Variants in SPEN observed in about 807,000 individuals in gnomAD.
SPEN encodes the protein spen family transcriptional repressor, also known as msx2-interacting protein.
SPEN carries 18 observed loss-of-function variants against 269.9 expected under a neutral mutation model. That is an observed-to-expected ratio of 0.07 (90% CI 0.05 to 0.10). The LOEUF is 0.10. Ranked by LOEUF, SPEN falls within the 10% of genes least tolerant of loss-of-function variation. The pLI is 1.00. For missense variants in SPEN, 3,822 were observed against 4,631.2 expected (o/e 0.83, Z 5.07); for synonymous variants, 1,726 against 1,765.7 (o/e 0.98, Z 0.56).
intron 2 of SPEN, chr1:15,873,849 G>A (rs1425655305): frequency 9.4e-7 from 1 of 1,065,752 alleles, no homozygotes; most frequent in Non-Finnish European, 1.1e-6. Context: ...GGATATATGG[G>A]ATGTCTTGCT....
chr1:15,931,149 G>T lies in SPEN; in HGVS notation c.4909G>T (p.Val1637Phe), dbSNP rs746087066. Residue 1637 changes from valine to phenylalanine, a missense_variant, in exon 11 of 15, where the codon GTT (valine) becomes TTT (phenylalanine). Transcript: ENST00000375759. The surrounding 1 kb of genome is among the most constrained non-coding windows in gnomAD (Gnocchi z 4.8). The stretch of plus-strand genomic sequence containing the variant: ...TTCAGAACTGAAAACTCCACCTTCC[G>T]TTGGGCCTCCAAGTGTCACAGTCGT... ...KDSELKTPPSVGPPSVTVVTL... is the reference protein window; with the variant it reads ...KDSELKTPPSFGPPSVTVVTL... 1.2e-6 allele frequency: 2 copies of T among 1,614,232 alleles called. No individual in the cohort carries two copies. The highest frequency in any genetic ancestry group is 1.7e-5 in the Admixed American group (1 of 60,030).
In SPEN at chr1:15,899,537, G is replaced by GTTTT. The variant is rs34565365; in HGVS notation, c.882-9761_882-9758dup. Among the ~76,000 whole-genome samples the GTTTT allele has an allele frequency of 6.6e-4, 55 of 83,416 alleles. 5 individuals carry two copies. Among genetic ancestry groups the GTTTT allele is most frequent in the Admixed American group, 1.5e-3 (9 of 6,130 alleles). The allele number at this position is 83,416 out of a possible 152,430, so 54.7% of individuals were successfully genotyped here. On this transcript the variant is annotated intron_variant, in intron 3 of 14. Coordinates refer to ENST00000375759, the MANE Select transcript of SPEN (RefSeq NM_015001.3). ...GTGAAGTGATGTATCATGTGGCAGA[G>GTTTT]TTTTTTTTTTTTTTTTTTTTTTTTT...
At position 15,937,098 on chromosome 1, in the gene SPEN, G is replaced by T. The variant is rs2071282804; in HGVS notation, c.10027-65G>T. The T allele has an allele frequency of 6.5e-7, 1 of 1,548,796 alleles. No individual in the cohort carries two copies. Among genetic ancestry groups the T allele is most frequent in the South Asian group, 1.2e-5 (1 of 82,040 alleles). On this transcript the variant is annotated intron_variant, in intron 11 of 14. Transcript: ENST00000375759. The surrounding 1 kb of genome is among the most constrained non-coding windows in gnomAD (Gnocchi z 5.7). ...TTCCCTGTGGCCCTTTGGGTCATTTGTTGGTCTCAGGGGCTTGTGCACAAC... is the reference window on the plus strand; with the variant it reads ...TTCCCTGTGGCCCTTTGGGTCATTTTTTGGTCTCAGGGGCTTGTGCACAAC...
intron 1 of SPEN, among the ~76,000 whole-genome samples, chr1:15,866,076 AATTATT>A (rs1167584449): frequency 1.3e-5 from 2 of 152,024 alleles, no homozygotes; most frequent in African/African-American, 2.4e-5. Context: ...ATGACAGCTC[AATTATT>A]ATTATTATTT....
rs778653115 is a variant in SPEN, at chr1:15,928,043, A to G, written c.1851-48A>G. 8.8e-6 allele frequency: 13 copies of G among 1,474,588 alleles called. No homozygotes were observed. The highest frequency in any genetic ancestry group is 1.8e-4 in the Middle Eastern group (1 of 5,454). The allele number at this position is 1,474,588 out of a possible 1,614,324, so 91.3% of individuals were successfully genotyped here. The stretch of plus-strand genomic sequence containing the variant: ...ATTTCATATGTATGATTTTATGCAT[A>G]AGTGATGAGGAAACAAAAGAACTAA... On this transcript the variant is annotated intron_variant, in intron 10 of 14. Transcript: ENST00000375759. The surrounding 1 kb of genome is among the most constrained non-coding windows in gnomAD (Gnocchi z 5.7).
Position 15,929,184 on chromosome 1 carries a change from G to A in SPEN, c.2944G>A (p.Glu982Lys), listed in dbSNP as rs2071197768. Residue 982 changes from glutamate to lysine, a missense_variant, in exon 11 of 15, where the codon GAA (glutamate) becomes AAA (lysine). Glu to Lys is a moderately conservative substitution (Grantham distance 56). Transcript: ENST00000375759. The surrounding 1 kb of genome is among the most constrained non-coding windows in gnomAD (Gnocchi z 5.8). ...GVSAVDLEKL[E>K]ARKRRFADSN... is the part of the protein sequence containing the mutation. The stretch of plus-strand genomic sequence containing the variant: ...AAGTGCTGTGGATCTGGAGAAGCTG[G>A]AAGCCAGGAAAAGGCGCTTTGCAGA... 1 of 1,614,052 alleles carries A rather than the reference G, an allele frequency of 6.2e-7. No homozygotes were observed. Among genetic ancestry groups the A allele is most frequent in the Non-Finnish European group, 8.5e-7 (1 of 1,180,042 alleles).
intron 5 of SPEN, among the ~76,000 whole-genome samples, 167 bp downstream of exon 5, chr1:15,911,468 A>G (rs2071011454): frequency 6.6e-6 from 1 of 152,150 alleles, no homozygotes; most frequent in Admixed American, 6.6e-5. Flanking sequence ...TTATTGTTCA[A>G]CTTAATAAAA....
intron 3 of SPEN, among the ~76,000 whole-genome samples, chr1:15,904,685 T>C (rs2070938462): frequency 6.7e-6 from 1 of 149,558 alleles, no homozygotes; most frequent in African/African-American, 2.5e-5. Context: ...ACTTCTGAGC[T>C]CAGGTGATTC....
intron 3 of SPEN, among the ~76,000 whole-genome samples, chr1:15,889,194 T>C (rs1018389022): frequency 1.3e-5 from 2 of 151,490 alleles, no homozygotes; most frequent in Non-Finnish European, 2.9e-5. Context: ...ACGGGGTTTT[T>C]TGCTTTTATC....
intron 1 of SPEN, among the ~76,000 whole-genome samples, chr1:15,859,882 T>C (rs1357310034): frequency 1.4e-5 from 2 of 143,284 alleles, no homozygotes; most frequent in East Asian, 4.3e-4. Context: ...ATTTAATAAG[T>C]ATAAAGAATG....
intron 1 of SPEN, among the ~76,000 whole-genome samples, chr1:15,863,212 G>A (rs2070465252): frequency 6.6e-6 from 1 of 152,086 alleles, no homozygotes; most frequent in African/African-American, 2.4e-5. Context: ...TTGTGCCATT[G>A]GACTCCAGCC....
intron 3 of SPEN, among the ~76,000 whole-genome samples, chr1:15,901,275 G>A (rs1362311502): frequency 1.3e-5 from 2 of 150,838 alleles, no homozygotes; most frequent in Non-Finnish European, 2.9e-5. Context: ...AGATTGCGCC[G>A]CTGTACTCCA....
intron 1 of SPEN, among the ~76,000 whole-genome samples, chr1:15,866,949 GGTATTTTTT>G (rs1395937802): frequency 6.6e-6 from 1 of 152,124 alleles, no homozygotes; most frequent in Non-Finnish European, 1.5e-5. Context: ...GACAGGGACA[GGTATTTTTT>G]GTATTTTTGA....
intron 13 of SPEN, 141 bp from the exon 14 acceptor site, chr1:15,938,577 T>C (rs2071303529): frequency 2.4e-6 from 1 of 412,510 alleles, no homozygotes; most frequent in African/African-American, 2.1e-5. Flanking sequence ...TTTTTTTTTT[T>C]TTTTTTTCAT....
intron 2 of SPEN, among the ~76,000 whole-genome samples, chr1:15,875,951 G>A (rs1231606242): frequency 6.6e-6 from 1 of 152,170 alleles, no homozygotes; most frequent in Non-Finnish European, 1.5e-5. Flanking sequence ...AAGTAAGCAA[G>A]TGAGCTGCAG....
Position 15,848,249 on chromosome 1 carries a change from G to C in SPEN, c.83+99G>C. ...TCCCGGAGCGCGGAGCTGGTGAGGAGGACTCCGGCCCGGACCCACGGGCGC... is the reference window on the plus strand; with the variant it reads ...TCCCGGAGCGCGGAGCTGGTGAGGACGACTCCGGCCCGGACCCACGGGCGC... On this transcript the variant is annotated intron_variant, in intron 1 of 14. Transcript: ENST00000375759. This position sits in a 1 kb window ranked among gnomAD's most constrained non-coding sequence, Gnocchi z 5.1. 4 of 843,534 alleles carry C rather than the reference G, an allele frequency of 4.7e-6. 1 individual carries two copies. The South Asian group carries it at 7.6e-5, about 16-fold the overall frequency. 52.3% of individuals were successfully genotyped at this position (843,534 alleles called of 1,614,324 possible).
chr1:15,876,500 C>A lies in SPEN; in HGVS notation c.703C>A (p.Arg235=). The part of the protein sequence containing the change: ...TREVRGRRPE[R]NYQHSRSRSP... ...GGAGGTACGAGGCAGAAGGCCAGAG[C>A]GGAATTACCAGCACAGCAGGAGTCG... The change falls in exon 3 of 15, where the codon CGG becomes AGG. Residue 235 remains arginine (R), a synonymous_variant. Coordinates refer to ENST00000375759, the MANE Select transcript of SPEN (RefSeq NM_015001.3). The A allele has an allele frequency of 1.2e-6, 2 of 1,614,026 alleles. No homozygotes were observed. The highest frequency in any genetic ancestry group is 1.7e-6 in the Non-Finnish European group (2 of 1,180,024).
intron 1 of SPEN, among the ~76,000 whole-genome samples, chr1:15,850,757 A>G (rs2070327869): frequency 1.3e-5 from 2 of 152,236 alleles, no homozygotes; most frequent in Admixed American, 1.3e-4. Context: ...TGAAAGGAAT[A>G]AAAAGGTAGT....
At chr1:15,866,016 C>G (rs1173365497) in intron 1 of SPEN, among the ~76,000 whole-genome samples, 2 of 151,802 alleles carry the variant, frequency 1.3e-5, no homozygotes, top group Admixed American at 1.3e-4. Context: ...TTTATGTAGT[C>G]TTTTCCTTTA....
Sources: allele counts gnomAD v4.1 joint callset (sites outside exome capture counted in the v4.1 genomes callset), GRCh38; gene constraint gnomAD v4.1.1; non-coding constraint Gnocchi (gnomAD v3.1); transcripts MANE v1.5; gene names NCBI Gene and HGNC (gene_info 2026-07-23, HGNC 2026-07-21).